The following PARN variants were observed in gnomAD, a reference collection of about 807,000 sequenced individuals.
PARN encodes poly(A)-specific ribonuclease.
Under a neutral mutation model 102.8 loss-of-function variants are expected in PARN, and 71 were observed. The ratio of observed to expected loss-of-function variants is 0.69; its 90% CI spans 0.57 to 0.84. PARN has a LOEUF of 0.84. Among genes scored for constraint, PARN ranks in the 40% least tolerant of loss-of-function variants. PARN has a pLI of 0.00. For synonymous variants in PARN, 261 were observed against 252.9 expected, an observed-to-expected ratio of 1.03 and a Z score of -0.30; for missense variants, 782 against 760.9, an observed-to-expected ratio of 1.03 and a Z score of -0.33.
In PARN at chr16:14,599,894, G is replaced by A; in HGVS notation, c.840+10C>T. 6.3e-7 allele frequency: 1 copy of A among 1,576,068 alleles called. No individual in the cohort carries two copies. The highest frequency in any genetic ancestry group is 8.7e-7 in the Non-Finnish European group (1 of 1,151,264). On this transcript the variant is annotated intron_variant, in intron 12 of 23. Transcript: ENST00000437198. The stretch of plus-strand genomic sequence containing the variant: ...TTCTGCAATCTTGCTAAAAAGTCTG[G>A]CTCACTTACCGAATTAGCAATGGCG...
At chr16:14,533,489 G>T (rs926187141) in intron 21 of PARN, among the ~76,000 whole-genome samples, 2 of 118,532 alleles carry the variant, frequency 1.7e-5, no homozygotes, top group African/African-American at 6.6e-5. Context: ...GAGGGAGAGG[G>T]AGAGGTTCCA....
chr16:14,527,750 G>A (rs1311742288), intron 21 of PARN, among the ~76,000 whole-genome samples: 1 of 152,134 alleles, frequency 6.6e-6, no homozygotes, highest in Non-Finnish European at 1.5e-5. Flanking sequence ...CATCCTTCTT[G>A]CATTCAGGAA....
Position 14,584,391 on chromosome 16 carries a change from A to C in PARN, c.1037T>G (p.Leu346Trp). The change falls in exon 16 of 24, where the codon TTG becomes TGG. Residue 346 changes from leucine (L) to tryptophan (W), a missense_variant. Physicochemically the swap from Leu to Trp is moderately conservative, Grantham distance 61. Coordinates refer to ENST00000437198, the MANE Select transcript of PARN (RefSeq NM_002582.4). ...DIINNTSLAE[L>W]EKRLKETPFN... ...AGGTGTCTCTTTTAACCGCTTTTCC[A>C]ATTCCGCAAGGGATGTGTTGTTAAT... 6.2e-7 allele frequency: 1 copy of C among 1,613,516 alleles called. No individual in the cohort carries two copies. The highest frequency in any genetic ancestry group is 8.5e-7 in the Non-Finnish European group (1 of 1,179,570).
intron 21 of PARN, among the ~76,000 whole-genome samples, chr16:14,484,863 G>A (rs1963572198): frequency 6.6e-6 from 1 of 151,942 alleles, no homozygotes; most frequent in Admixed American, 6.6e-5. Flanking sequence ...TTACTAAGAA[G>A]TTTGTGTACT....
At chr16:14,451,979 G>T (rs1163328506) in intron 22 of PARN, among the ~76,000 whole-genome samples, 1 of 150,210 alleles carries the variant, frequency 6.7e-6, no homozygotes, top group African/African-American at 2.5e-5. Flanking sequence ...TTGAGTCTGG[G>T]AGTTTGAGGT....
At chr16:14,488,851 A>G (rs939697504) in intron 21 of PARN, among the ~76,000 whole-genome samples, 1 of 152,092 alleles carries the variant, frequency 6.6e-6, no homozygotes, top group South Asian at 2.1e-4. Flanking sequence ...ACGAATAATA[A>G]GAGATCAATA....
intron 18 of PARN, chr16:14,576,262 A>T (rs1158501741): frequency 6.6e-6 from 1 of 152,246 alleles, no homozygotes; most frequent in South Asian, 2.1e-4. Context: ...GAAGGCCTAG[A>T]TTTCCAGCGG....
chr16:14,475,303 G>A (rs529788624), intron 22 of PARN, among the ~76,000 whole-genome samples: 4 of 152,302 alleles, frequency 2.6e-5, no homozygotes, highest in South Asian at 2.1e-4. Flanking sequence ...GGAAAGTTGC[G>A]AGTGTTGGTG....
intron 6 of PARN, among the ~76,000 whole-genome samples, chr16:14,616,385 C>A (rs755158413): frequency 6.6e-6 from 1 of 152,234 alleles, no homozygotes; most frequent in Non-Finnish European, 1.5e-5. Flanking sequence ...TAGCCATTAT[C>A]AATCGTGCAG....
At chr16:14,557,886 T>C (rs1030408305) in intron 18 of PARN, among the ~76,000 whole-genome samples, 2 of 152,188 alleles carry the variant, frequency 1.3e-5, no homozygotes, top group African/African-American at 2.4e-5. Context: ...AGGGCAGCTA[T>C]CATGTTTTCT....
intron 23 of PARN, among the ~76,000 whole-genome samples, chr16:14,436,986 G>T (rs1960734308): frequency 6.6e-6 from 1 of 152,188 alleles, no homozygotes; most frequent in Non-Finnish European, 1.5e-5. Flanking sequence ...AAACATCATG[G>T]GGGCGCGGAG....
chr16:14,494,270 A>G (rs1475821734), intron 21 of PARN, among the ~76,000 whole-genome samples: 2 of 152,186 alleles, frequency 1.3e-5, no homozygotes, highest in Non-Finnish European at 2.9e-5. Context: ...TGAACAAACT[A>G]TCTTCTAAAA....
At chr16:14,613,168 G>C (rs1898605720) in intron 6 of PARN, among the ~76,000 whole-genome samples, 1 of 151,784 alleles carries the variant, frequency 6.6e-6, no homozygotes, top group African/African-American at 2.4e-5. Flanking sequence ...AATTAGCCGG[G>C]CGTGGTGGCA....
At chr16:14,454,656 A>T (rs539232150) in intron 22 of PARN, among the ~76,000 whole-genome samples, 3 of 152,338 alleles carry the variant, frequency 2.0e-5, no homozygotes, top group Admixed American at 6.5e-5. Context: ...TACTGTATGT[A>T]GACAAAGCCT....
chr16:14,451,867 T>C (rs200269888), intron 22 of PARN, among the ~76,000 whole-genome samples: 2 of 23,742 alleles, frequency 8.4e-5, no homozygotes, highest in African/African-American at 1.9e-4. Flanking sequence ...AAAAAAAAAA[T>C]ACAAAAAAAA....
chr16:14,458,546 T>C (rs1961796457), intron 22 of PARN, among the ~76,000 whole-genome samples: 1 of 152,174 alleles, frequency 6.6e-6, no homozygotes, highest in Admixed American at 6.5e-5. Context: ...TCAGCTCACC[T>C]TGCAGGCACT....
At chr16:14,529,862 T>C (rs1966223681) in intron 21 of PARN, among the ~76,000 whole-genome samples, 2 of 152,220 alleles carry the variant, frequency 1.3e-5, no homozygotes, top group Admixed American at 6.5e-5. Flanking sequence ...GAGGTCCAAA[T>C]GGGGCTTCCT....
chr16:14,609,617 G>T (rs1263709475), intron 7 of PARN, among the ~76,000 whole-genome samples: 2 of 152,126 alleles, frequency 1.3e-5, no homozygotes, highest in African/African-American at 4.8e-5. Flanking sequence ...GGCGTATTTT[G>T]GGGGGAAGAG....
intron 21 of PARN, among the ~76,000 whole-genome samples, chr16:14,484,989 C>A (rs1026305539): frequency 6.6e-6 from 1 of 152,080 alleles, no homozygotes; most frequent in Admixed American, 6.5e-5. Flanking sequence ...GAGGCCAAGG[C>A]GGGAGGATAA....
Sources: allele counts gnomAD v4.1 joint callset (sites outside exome capture counted in the v4.1 genomes callset), GRCh38; gene constraint gnomAD v4.1.1; transcripts MANE v1.5; gene names NCBI Gene and HGNC (gene_info 2026-07-23, HGNC 2026-07-21).